The following CCDC141 variants were observed in gnomAD, a reference collection of about 807,000 sequenced individuals.
CCDC141 encodes the protein coiled-coil domain containing 141.
A neutral mutation model predicts 181.0 loss-of-function variants in CCDC141; 168 were observed. That is an observed-to-expected ratio of 0.93 (90% CI 0.82 to 1.05). The LOEUF (loss-of-function observed/expected upper bound fraction) is 1.05, where lower values mean the gene tolerates loss of function less well. CCDC141 is among the 50% of genes least tolerant of loss of function. The pLI is 0.00. For missense variants in CCDC141, 1,902 were observed against 1,788.5 expected (o/e 1.06, Z -1.14); for synonymous variants, 666 against 642.3 (o/e 1.04, Z -0.56).
intron 2 of CCDC141, among the ~76,000 whole-genome samples, chr2:178,987,905 GT>G (rs1691833474): frequency 6.6e-6 from 1 of 151,040 alleles, no homozygotes; most frequent in African/African-American, 2.4e-5. Flanking sequence ...GTGGAAGTCA[GT>G]GTGGAGATTC....
chr2:179,035,973 A>T (rs1290174762), intron 2 of CCDC141, among the ~76,000 whole-genome samples: 1 of 152,212 alleles, frequency 6.6e-6, no homozygotes, highest in African/African-American at 2.4e-5. Flanking sequence ...GACAGTATTC[A>T]CTATAACCAA....
chr2:179,044,139 G>T (rs1465702860), intron 2 of CCDC141, among the ~76,000 whole-genome samples: 1 of 152,140 alleles, frequency 6.6e-6, no homozygotes, highest in Non-Finnish European at 1.5e-5. Flanking sequence ...ACAAACCACT[G>T]CTCGAAGAAA....
At chr2:178,891,636 A>G (rs1687155319) in intron 8 of CCDC141, among the ~76,000 whole-genome samples, 1 of 152,140 alleles carries the variant, frequency 6.6e-6, no homozygotes, top group South Asian at 2.1e-4. Flanking sequence ...AGCTTGCTCA[A>G]ATTACTACGT....
At chr2:178,898,244 T>TTGTG (rs1687507725) in intron 8 of CCDC141, among the ~76,000 whole-genome samples, 1 of 152,190 alleles carries the variant, frequency 6.6e-6, no homozygotes, top group Non-Finnish European at 1.5e-5. Flanking sequence ...AGGCTGCCTC[T>TTGTG]TGTGTTTTTC....
intron 17 of CCDC141, among the ~76,000 whole-genome samples, chr2:178,862,748 G>T (rs963893020): frequency 9.9e-5 from 15 of 152,250 alleles, no homozygotes; most frequent in Middle Eastern, 3.4e-3. Context: ...GAAAAAAATG[G>T]TTTTTTCTCA....
chr2:178,974,484 T>C (rs1691037008), intron 4 of CCDC141, among the ~76,000 whole-genome samples: 1 of 152,216 alleles, frequency 6.6e-6, no homozygotes, highest in Non-Finnish European at 1.5e-5. Context: ...AGGCTTGGCA[T>C]ACAAATTGTT....
intron 6 of CCDC141, among the ~76,000 whole-genome samples, chr2:178,937,008 T>C (rs577063532): frequency 1.3e-5 from 2 of 152,312 alleles, no homozygotes; most frequent in East Asian, 3.9e-4. Context: ...TATGGGGTTT[T>C]CTAGATATAG....
At chr2:178,976,425 T>C (rs115094392) in intron 3 of CCDC141, among the ~76,000 whole-genome samples, 691 of 152,302 alleles carry the variant, frequency 4.5e-3, no homozygotes, top group African/African-American at 0.015. Context: ...ACAACAGCCA[T>C]ATGAAATCCA....
At chr2:178,982,489 G>A (rs1691464766) in intron 2 of CCDC141, among the ~76,000 whole-genome samples, 1 of 152,192 alleles carries the variant, frequency 6.6e-6, no homozygotes, top group Admixed American at 6.5e-5. Context: ...GAACAGCTCT[G>A]GTCTACAGCT....
chr2:178,860,148 G>GA (rs1316984775), intron 17 of CCDC141, among the ~76,000 whole-genome samples: 1 of 152,002 alleles, frequency 6.6e-6, no homozygotes, highest in Non-Finnish European at 1.5e-5. Flanking sequence ...ATTCACTCCA[G>GA]AAAAAAAGCT....
At chr2:179,041,491 G>GT (rs35229059) in intron 2 of CCDC141, among the ~76,000 whole-genome samples, 4,585 of 59,082 alleles carry the variant, frequency 0.078, 475 homozygotes, top group African/African-American at 0.1. Context: ...TTGGTTGTGG[G>GT]TTTTTTTTTT....
chr2:178,950,345 T>A (rs1051415333), intron 5 of CCDC141, among the ~76,000 whole-genome samples: 15 of 152,192 alleles, frequency 9.9e-5, no homozygotes, highest in Non-Finnish European at 1.8e-4. Context: ...TTTTTTTTCT[T>A]TTTTTACAGT....
At chr2:178,994,779 TA>T (rs1470901027) in intron 2 of CCDC141, among the ~76,000 whole-genome samples, 2 of 152,180 alleles carry the variant, frequency 1.3e-5, no homozygotes, top group African/African-American at 4.8e-5. Context: ...CTTTGCTGCT[TA>T]AAAATTTCTT....
At chr2:178,901,750 T>C (rs1034025559) in intron 8 of CCDC141, among the ~76,000 whole-genome samples, 15 of 151,722 alleles carry the variant, frequency 9.9e-5, no homozygotes, top group South Asian at 2.1e-4. Context: ...TTGGAAGTTC[T>C]GGCCAGGGCA....
intron 2 of CCDC141, among the ~76,000 whole-genome samples, chr2:178,996,371 C>A (rs1217598231): frequency 3.3e-5 from 5 of 152,104 alleles, no homozygotes; most frequent in African/African-American, 1.2e-4. Context: ...AGCCACCGCA[C>A]CTGGCCAAAA....
chr2:179,015,093 T>TATATATATAC (rs2042408608), intron 2 of CCDC141, among the ~76,000 whole-genome samples: 3 of 41,994 alleles, frequency 7.1e-5, no homozygotes, highest in African/African-American at 2.3e-4. Context: ...TATATATATA[T>TATATATATAC]ATATATATAT....
At chr2:179,018,229 T>A (rs1457794096) in intron 2 of CCDC141, among the ~76,000 whole-genome samples, 1 of 152,070 alleles carries the variant, frequency 6.6e-6, no homozygotes. Flanking sequence ...CAGTAGAGTG[T>A]TAAATGGTCC....
chr2:178,952,278 A>C (rs919787453), intron 5 of CCDC141, among the ~76,000 whole-genome samples: 1 of 152,254 alleles, frequency 6.6e-6, no homozygotes, highest in African/African-American at 2.4e-5. Flanking sequence ...AAAGCTCAGA[A>C]AGTGACCATC....
intron 2 of CCDC141, among the ~76,000 whole-genome samples, chr2:179,039,763 A>G (rs1575380067): frequency 6.6e-6 from 1 of 152,204 alleles, no homozygotes; most frequent in East Asian, 1.9e-4. Context: ...CTCATATTCA[A>G]ACCAACTTGG....
Sources: allele counts gnomAD v4.1 joint callset (sites outside exome capture counted in the v4.1 genomes callset), GRCh38; gene constraint gnomAD v4.1.1; transcripts MANE v1.5; gene names NCBI Gene and HGNC (gene_info 2026-07-23, HGNC 2026-07-21).